NRXN3: variants seen among roughly 807,000 people sequenced by gnomAD.
The protein encoded by NRXN3 is neurexin III.
NRXN3 carries 32 observed loss-of-function variants against 137.6 expected under a neutral mutation model. The observed-to-expected ratio is 0.23, with a 90% CI of 0.18 to 0.31. NRXN3 has a LOEUF of 0.31. Among genes scored for constraint, NRXN3 ranks in the 10% least tolerant of loss-of-function variants. The pLI is 1.00. For synonymous variants in NRXN3, 798 were observed against 784.5 expected (o/e 1.02, Z -0.29); for missense variants, 1,574 against 2,062.5 (o/e 0.76, Z 4.59).
chr14:79,402,686 A>G (rs1303184574), intron 15 of NRXN3, among the ~76,000 whole-genome samples: 1 of 152,206 alleles, frequency 6.6e-6, no homozygotes, highest in Non-Finnish European at 1.5e-5. Context: ...CCATTGAAGA[A>G]TTAGATCTCA....
intron 19 of NRXN3, among the ~76,000 whole-genome samples, chr14:79,768,227 G>T (rs1205267889): frequency 6.6e-6 from 1 of 152,218 alleles, no homozygotes; most frequent in Non-Finnish European, 1.5e-5. Context: ...GGCTTGCTTA[G>T]GTAAACAAAG....
rs1567110831 is a variant in NRXN3 at position 78,261,701 on chromosome 14, ACCT to A, written c.710-16940_710-16938del. ...TCCCCCTCTTAAGCATCACAATCCA[ACCT>A]CCTTTTATGAAACTGACTTAGGGAG... On this transcript the variant is annotated intron_variant, in intron 2 of 20. Coordinates refer to ENST00000335750, the MANE Select transcript of NRXN3 (RefSeq NM_001330195.2). Among the ~76,000 whole-genome samples the A allele has an allele frequency of 5.9e-5, 9 of 152,138 alleles. No homozygotes were observed. In the South Asian group the frequency reaches 1.7e-3, roughly 28 times the overall value.
At chr14:79,835,874 A>G (rs909167450) in intron 20 of NRXN3, among the ~76,000 whole-genome samples, 1 of 152,182 alleles carries the variant, frequency 6.6e-6, no homozygotes, top group Non-Finnish European at 1.5e-5. Flanking sequence ...ATAGTCGCAC[A>G]GGAAACTTGA....
intron 15 of NRXN3, among the ~76,000 whole-genome samples, chr14:79,098,461 T>C (rs144163474): frequency 8.5e-4 from 130 of 152,304 alleles, no homozygotes; most frequent in African/African-American, 3.0e-3. Flanking sequence ...TTGGGTAGTT[T>C]CCCAGGAAAG....
chr14:78,481,419 C>A (rs961052182), intron 4 of NRXN3, among the ~76,000 whole-genome samples: 1 of 152,114 alleles, frequency 6.6e-6, no homozygotes, highest in Non-Finnish European at 1.5e-5. Flanking sequence ...ACTCAAGAAT[C>A]CTCTCCCAGG....
intron 19 of NRXN3, among the ~76,000 whole-genome samples, chr14:79,770,270 G>A (rs916660348): frequency 3.4e-4 from 51 of 152,016 alleles, no homozygotes; most frequent in East Asian, 7.7e-4. Context: ...TGCACCAAGC[G>A]GACCTAATAG....
rs566722809 is a variant in NRXN3 at position 78,257,489 on chromosome 14, G to A, written c.709+13687G>A. Among the ~76,000 whole-genome samples, 21 of 152,352 alleles carry A rather than the reference G, an allele frequency of 1.4e-4. No homozygotes were observed. The South Asian group carries it at 4.1e-3, about 30-fold the overall frequency. ...CATGTTACCATACCTGGGTGTGGGC[G>A]CGTGCCTGTGCACTTGAAGTGAGAG... On this transcript the variant is annotated intron_variant, in intron 2 of 20. Coordinates refer to ENST00000335750, the MANE Select transcript of NRXN3 (RefSeq NM_001330195.2).
intron 16 of NRXN3, among the ~76,000 whole-genome samples, chr14:79,492,520 T>C (rs2096727180): frequency 6.6e-6 from 1 of 152,050 alleles, no homozygotes; most frequent in African/African-American, 2.4e-5. Context: ...GTAGCTGGGA[T>C]TACAGGCACG....
At chr14:79,829,613 T>C (rs887859067) in intron 20 of NRXN3, among the ~76,000 whole-genome samples, 13 of 152,212 alleles carry the variant, frequency 8.5e-5, no homozygotes, top group African/African-American at 2.9e-4. Flanking sequence ...ATGATCAATG[T>C]GTGCACTGCC....
At chr14:79,158,777 A>G (rs992684017) in intron 15 of NRXN3, among the ~76,000 whole-genome samples, 4 of 151,872 alleles carry the variant, frequency 2.6e-5, no homozygotes, top group Non-Finnish European at 5.9e-5. Flanking sequence ...TCCTTAAAGA[A>G]CTGAAGGTCC....
chr14:79,462,890 G>GTATATGTATATGTATATGTACATACACA (rs568540345), intron 15 of NRXN3, among the ~76,000 whole-genome samples: 374 of 22,766 alleles, frequency 0.016, 4 homozygotes, highest in African/African-American at 0.058. Context: ...ATACACATAT[G>GTATATGTATATGTATATGTACATACACA]TATGTATATG....
At chr14:79,679,634 G>T (rs560766251) in intron 17 of NRXN3, among the ~76,000 whole-genome samples, 1 of 152,150 alleles carries the variant, frequency 6.6e-6, no homozygotes, top group East Asian at 1.9e-4. Context: ...TATAGAAGTA[G>T]AATGGAGTAA....
intron 4 of NRXN3, among the ~76,000 whole-genome samples, chr14:78,331,524 C>T (rs1043865319): frequency 5.3e-5 from 8 of 152,168 alleles, no homozygotes; most frequent in South Asian, 4.1e-4. Context: ...GCTCCAATCT[C>T]AGCAACATAA....
chr14:78,716,999 G>C (rs747510437), intron 8 of NRXN3, among the ~76,000 whole-genome samples: 8 of 152,174 alleles, frequency 5.3e-5, no homozygotes, highest in Non-Finnish European at 1.0e-4. Context: ...ACCTACCCTG[G>C]TGCTGGTTGG....
intron 15 of NRXN3, among the ~76,000 whole-genome samples, chr14:79,184,576 C>T (rs1225283386): frequency 1.3e-5 from 2 of 152,174 alleles, no homozygotes; most frequent in African/African-American, 4.8e-5. Context: ...CATCTCCCTC[C>T]CCTGCCCCCA....
At chr14:79,506,139 G>T (rs192339825) in intron 16 of NRXN3, among the ~76,000 whole-genome samples, 2 of 152,250 alleles carry the variant, frequency 1.3e-5, no homozygotes, top group African/African-American at 2.4e-5. Context: ...ATAACTACAG[G>T]AGTGACATCC....
At chr14:78,521,682 A>T (rs1251522843) in intron 4 of NRXN3, among the ~76,000 whole-genome samples, 1 of 152,160 alleles carries the variant, frequency 6.6e-6, no homozygotes, top group Non-Finnish European at 1.5e-5. Context: ...AAAACATATA[A>T]AAACCTTAAT....
At chr14:78,600,557 G>C (rs1392579092) in intron 4 of NRXN3, among the ~76,000 whole-genome samples, 3 of 152,048 alleles carry the variant, frequency 2.0e-5, no homozygotes, top group Non-Finnish European at 4.4e-5. Context: ...TTAATGATTT[G>C]CTTCCTTTTG....
At chr14:78,520,199 C>T (rs565001767) in intron 4 of NRXN3, among the ~76,000 whole-genome samples, 2 of 152,298 alleles carry the variant, frequency 1.3e-5, no homozygotes, top group African/African-American at 2.4e-5. Context: ...TTGGATACTA[C>T]CTGTCCAATG....
Sources: allele counts gnomAD v4.1 joint callset (sites outside exome capture counted in the v4.1 genomes callset), GRCh38; gene constraint gnomAD v4.1.1; transcripts MANE v1.5; gene names NCBI Gene and HGNC (gene_info 2026-07-23, HGNC 2026-07-21).